RFTN1: variants seen among roughly 807,000 people sequenced by gnomAD.
RFTN1 encodes raftlin, lipid raft linker 1.
RFTN1 carries 26 observed loss-of-function variants against 46.5 expected under a neutral mutation model. That is an observed-to-expected ratio of 0.56 (90% CI 0.41 to 0.78). The LOEUF (loss-of-function observed/expected upper bound fraction) is 0.78. Among genes scored for constraint, RFTN1 ranks in the 30% least tolerant of loss-of-function variants. The pLI, the probability that RFTN1 is intolerant of heterozygous loss-of-function variation, is 0.00. For missense variants in RFTN1, 693 were observed against 718.7 expected (o/e 0.96, Z 0.41); for synonymous variants, 261 against 284.2 (o/e 0.92, Z 0.82).
rs114178633 is a variant in RFTN1 at position 16,338,827 on chromosome 3, G to T, written c.1147-11951C>A. Among the ~76,000 whole-genome samples, 273 of 152,304 alleles carry T rather than the reference G, an allele frequency of 1.8e-3. No individual in the cohort carries two copies. Among genetic ancestry groups the T allele is most frequent in the Non-Finnish European group, 2.7e-3 (184 of 68,016 alleles). On this transcript the variant is annotated intron_variant, in intron 7 of 9. Coordinates refer to ENST00000334133, the MANE Select transcript of RFTN1 (RefSeq NM_015150.2). The surrounding 1 kb of genome is among the most constrained non-coding windows in gnomAD (Gnocchi z 5.3). ...CTTTTCCAAAGTGTATAATTAAAAA[G>T]TTGTTTATTTTGGAGTTGGGGACCT...
chr3:16,453,580 C>T lies in RFTN1; in HGVS notation c.146-19543G>A, dbSNP rs183961471. Among the ~76,000 whole-genome samples, 455 of 152,148 alleles carry T rather than the reference C, an allele frequency of 3.0e-3. 1 individual carries two copies. The highest frequency in any genetic ancestry group is 0.01 in the African/African-American group (429 of 41,468). ...GTTTTCTTTGAAAGGTTGATTACAGCGAAGAAAAACAAAGCCTTTTAAAAA... is the reference window on the plus strand; with the variant it reads ...GTTTTCTTTGAAAGGTTGATTACAGTGAAGAAAAACAAAGCCTTTTAAAAA... On this transcript the variant is annotated intron_variant, in intron 2 of 9. Transcript: ENST00000334133.
chr3:16,321,102 G>A lies in RFTN1; in HGVS notation c.1332+2274C>T, dbSNP rs916628619. Among the ~76,000 whole-genome samples, 1 of 152,122 alleles carries A rather than the reference G, an allele frequency of 6.6e-6. No homozygotes were observed. Among genetic ancestry groups the A allele is most frequent in the Admixed American group, 6.5e-5 (1 of 15,270 alleles). On this transcript the variant is annotated intron_variant, in intron 9 of 9. Coordinates refer to ENST00000334133, the MANE Select transcript of RFTN1 (RefSeq NM_015150.2). The surrounding 1 kb of genome is among the most constrained non-coding windows in gnomAD (Gnocchi z 4.8). Reference sequence around the variant, plus strand: ...GGAAGGAGAGGGGAGGGTCAGCAGGGATAGCCCCTAAGGTGCAATGCCATT... The same window carrying A: ...GGAAGGAGAGGGGAGGGTCAGCAGGAATAGCCCCTAAGGTGCAATGCCATT...
At position 16,489,960 on chromosome 3, in the gene RFTN1, C is replaced by T. The variant is rs13087702; in HGVS notation, c.145+3765G>A. Among the ~76,000 whole-genome samples the T allele has an allele frequency of 0.37, 56,966 of 152,022 alleles. 10,767 individuals are homozygous for T. The highest frequency in any genetic ancestry group is 0.48 in the South Asian group (2,296 of 4,816). ...ATGAGGTGAGGACGTAATGTCCTAT[C>T]ACAGGACTGGGCACATAGTAGCACT... On this transcript the variant is annotated intron_variant, in intron 2 of 9. Coordinates refer to ENST00000334133, the MANE Select transcript of RFTN1 (RefSeq NM_015150.2). The surrounding 1 kb of genome is among the most constrained non-coding windows in gnomAD (Gnocchi z 4.0).
intron 4 of RFTN1, among the ~76,000 whole-genome samples, chr3:16,393,651 C>CTT (rs35917033): frequency 4.9e-5 from 7 of 141,782 alleles, no homozygotes; most frequent in Admixed American, 6.9e-5. Flanking sequence ...AGCTGATGGA[C>CTT]TTTTTTTTTT....
In RFTN1 at chr3:16,338,350, G is replaced by A. The variant is rs1306720030; in HGVS notation, c.1147-11474C>T. ...GCCGGACATGCGGCGGCTAAGGGGC[G>A]ATGGCTGGGGCCAACTCTGACCCGT... On this transcript the variant is annotated intron_variant, in intron 7 of 9. Transcript: ENST00000334133. This position sits in a 1 kb window ranked among gnomAD's most constrained non-coding sequence, Gnocchi z 5.3. Among the ~76,000 whole-genome samples, 4 of 152,244 alleles carry A rather than the reference G, an allele frequency of 2.6e-5. No individual in the cohort carries two copies. The highest frequency in any genetic ancestry group is 2.0e-4 in the Admixed American group (3 of 15,290).
rs2073855227 is a variant in RFTN1 at position 16,378,195 on chromosome 3, G to C, written c.442-93C>G. ...TGCAAAGCGCCTCCCCGAGGCCTGC[G>C]AGGCTGTTTCAGGTGCAGGAGAAGA... On this transcript the variant is annotated intron_variant, in intron 4 of 9. Transcript: ENST00000334133. The C allele has an allele frequency of 2.8e-6, 3 of 1,076,054 alleles. No homozygotes were observed. In the African/African-American group the frequency reaches 4.7e-5, roughly 17 times the overall value. The allele number at this position is 1,076,054 out of a possible 1,614,324, so 66.7% of individuals were successfully genotyped here. A position where few individuals can be genotyped will look rare whatever the true frequency, so the allele number is the denominator to read the frequency against.
rs1463305092 is a variant in RFTN1, at chr3:16,346,749, C to T, written c.1146+11183G>A. Among the ~76,000 whole-genome samples the T allele has an allele frequency of 1.3e-5, 2 of 152,162 alleles. No individual in the cohort carries two copies. Among genetic ancestry groups the T allele is most frequent in the African/African-American group, 2.4e-5 (1 of 41,414 alleles). ...GGACGTGTGGCAGGAAAAAACTGCC[C>T]CGTTCTTCACGGTTGTCATCACATT... On this transcript the variant is annotated intron_variant, in intron 7 of 9. Transcript: ENST00000334133. This position sits in a 1 kb window ranked among gnomAD's most constrained non-coding sequence, Gnocchi z 4.4.
At chr3:16,355,203 C>T (rs142789836) in intron 7 of RFTN1, among the ~76,000 whole-genome samples, 1 of 152,330 alleles carries the variant, frequency 6.6e-6, no homozygotes, top group Non-Finnish European at 1.5e-5. Flanking sequence ...CCAGCGTCTA[C>T]CCATTACCCT....
intron 4 of RFTN1, among the ~76,000 whole-genome samples, chr3:16,397,596 C>T (rs1242575364): frequency 6.6e-6 from 1 of 152,026 alleles, no homozygotes. Flanking sequence ...TAAATATGTA[C>T]AATAAAAATA....
Position 16,329,999 on chromosome 3 carries a change from C to T in RFTN1, c.1147-3123G>A, listed in dbSNP as rs984097154. On this transcript the variant is annotated intron_variant, in intron 7 of 9. Transcript: ENST00000334133. This position sits in a 1 kb window ranked among gnomAD's most constrained non-coding sequence, Gnocchi z 4.5. ...CAAACCGGCTGCTTCTATTTTGCTCCGTTTTATTTCATTTTGTCACTCTCT... is the reference window on the plus strand; with the variant it reads ...CAAACCGGCTGCTTCTATTTTGCTCTGTTTTATTTCATTTTGTCACTCTCT... Among the ~76,000 whole-genome samples, 2 of 152,156 alleles carry T rather than the reference C, an allele frequency of 1.3e-5. No homozygotes were observed. Among genetic ancestry groups the T allele is most frequent in the Admixed American group, 6.5e-5 (1 of 15,268 alleles).
chr3:16,398,750 C>T (rs2074534418), intron 4 of RFTN1, among the ~76,000 whole-genome samples: 1 of 152,156 alleles, frequency 6.6e-6, no homozygotes, highest in African/African-American at 2.4e-5. Context: ...ATGGAGACAT[C>T]CCCTGGGTGG....
intron 4 of RFTN1, among the ~76,000 whole-genome samples, chr3:16,399,164 C>A (rs2074543837): frequency 6.6e-6 from 1 of 151,952 alleles, no homozygotes; most frequent in Non-Finnish European, 1.5e-5. Flanking sequence ...AGATCTAATT[C>A]CCTGGTCAGA....
rs61739728 is a variant in RFTN1, at chr3:16,377,845, G to A, written c.699C>T (p.Leu233=). ...PSSGPRGEVP[L]AKQPSSPSGE... ...CGGAGGGTGAGCTGGGCTGCTTGGC[G>A]AGGGGCACCTCCCCTCTGGGGCCTG... Residue 233 remains leucine (L), a synonymous_variant, in exon 5 of 10, where the codon CTC becomes CTT. Coordinates refer to ENST00000334133, the MANE Select transcript of RFTN1 (RefSeq NM_015150.2). 12,356 of 1,614,190 alleles carry A rather than the reference G, an allele frequency of 7.7e-3. 65 individuals are homozygous for A. The highest frequency in any genetic ancestry group is 0.012 in the Middle Eastern group (71 of 6,062).
intron 5 of RFTN1, among the ~76,000 whole-genome samples, chr3:16,372,412 TAGAG>T (rs2073555695): frequency 6.6e-6 from 1 of 152,034 alleles, no homozygotes; most frequent in Non-Finnish European, 1.5e-5. Flanking sequence ...TGGCTGCAGG[TAGAG>T]AGGCTAAGGA....
At position 16,345,264 on chromosome 3, in the gene RFTN1, T is replaced by TTGTGTGTGTGTGTGTGTGTGTGTGTG. The variant is rs10703577; in HGVS notation, c.1146+12642_1146+12667dup. On this transcript the variant is annotated intron_variant, in intron 7 of 9. Transcript: ENST00000334133. This position sits in a 1 kb window ranked among gnomAD's most constrained non-coding sequence, Gnocchi z 5.2. Reference sequence around the variant, plus strand: ...AAACTGTAAGATAATAAGTAGGTGGTTGTGTGTGTGTGTGTGTGTGTGTGT... The same window carrying TTGTGTGTGTGTGTGTGTGTGTGTGTG: ...AAACTGTAAGATAATAAGTAGGTGGTTGTGTGTGTGTGTGTGTGTGTGTGTGTGTGTGTGTGTGTGTGTGTGTGTGT... 215 of 145,918 alleles carry TTGTGTGTGTGTGTGTGTGTGTGTGTG rather than the reference T, an allele frequency of 1.5e-3. 2 individuals carry two copies. The highest frequency in any genetic ancestry group is 5.2e-3 in the African/African-American group (197 of 37,840). 9.0% of individuals were successfully genotyped at this position (145,918 alleles called of 1,614,324 possible).
intron 4 of RFTN1, among the ~76,000 whole-genome samples, chr3:16,397,969 G>A (rs549548310): frequency 7.2e-5 from 11 of 152,214 alleles, no homozygotes; most frequent in East Asian, 3.9e-4. Context: ...ATCATGGGCC[G>A]GGCGCGGTGG....
chr3:16,493,068 G>C (rs2076565946), intron 2 of RFTN1, among the ~76,000 whole-genome samples: 1 of 152,312 alleles, frequency 6.6e-6, no homozygotes, highest in South Asian at 2.1e-4. Flanking sequence ...AGGTGAATTT[G>C]GGTGGAGAGG....
intron 8 of RFTN1, among the ~76,000 whole-genome samples, chr3:16,325,406 G>C (rs929918299): frequency 4.6e-5 from 7 of 152,234 alleles, no homozygotes; most frequent in South Asian, 2.1e-4. Flanking sequence ...CTGAGACAGA[G>C]AGACCTGTCT....
chr3:16,319,918 G>C (rs1329710080), intron 9 of RFTN1, among the ~76,000 whole-genome samples: 1 of 152,190 alleles, frequency 6.6e-6, no homozygotes, highest in East Asian at 1.9e-4. Context: ...AGGACCGGGG[G>C]AGTCTCTGAG....
Sources: gnomAD v4.1 joint callset for allele counts (sites outside exome capture counted in the v4.1 genomes callset) on GRCh38, gnomAD v4.1.1 for gene constraint, Gnocchi (gnomAD v3.1) non-coding constraint, MANE v1.5 for transcripts, NCBI Gene and HGNC (gene_info 2026-07-23, HGNC 2026-07-21) for gene names.